IMMP2L: variants seen among roughly 807,000 people sequenced by gnomAD.
IMMP2L encodes the protein mitochondrial inner membrane protease subunit 2.
IMMP2L carries 18 observed loss-of-function variants against 19.3 expected under a neutral mutation model. The observed-to-expected ratio is 0.93, with a 90% CI of 0.64 to 1.38. The LOEUF (loss-of-function observed/expected upper bound fraction) is 1.38, where lower values mean the gene tolerates loss of function less well. IMMP2L is among the 40% of genes most tolerant of loss of function. IMMP2L has a pLI of 0.00. For missense variants in IMMP2L, 233 were observed against 218.2 expected (o/e 1.07, Z -0.43); for synonymous variants, 76 against 73.0 (o/e 1.04, Z -0.21).
At chr7:110,793,835 T>C (rs1368484229) in intron 5 of IMMP2L, among the ~76,000 whole-genome samples, 1 of 152,106 alleles carries the variant, frequency 6.6e-6, no homozygotes, top group Non-Finnish European at 1.5e-5. Context: ...CATCACGTTT[T>C]ATACCTTAAT....
At chr7:111,198,895 AT>A (rs1228502342) in intron 3 of IMMP2L, among the ~76,000 whole-genome samples, 2 of 152,120 alleles carry the variant, frequency 1.3e-5, no homozygotes, top group East Asian at 3.8e-4. Flanking sequence ...AAAACTACCA[AT>A]TGAATTGAAT....
intron 3 of IMMP2L, among the ~76,000 whole-genome samples, chr7:111,285,989 T>A (rs1248064314): frequency 1.3e-5 from 2 of 152,032 alleles, no homozygotes; most frequent in African/African-American, 4.8e-5. Context: ...AGGAAGAAGG[T>A]TCAATCAAAG....
chr7:111,384,830 A>C, intron 3 of IMMP2L, among the ~76,000 whole-genome samples: 1 of 152,154 alleles, frequency 6.6e-6, no homozygotes, highest in Non-Finnish European at 1.5e-5. Flanking sequence ...GTATTTTTTT[A>C]ACTGGATAAA....
chr7:110,830,565 T>G (rs1803881440), intron 5 of IMMP2L, among the ~76,000 whole-genome samples: 1 of 152,104 alleles, frequency 6.6e-6, no homozygotes, highest in African/African-American at 2.4e-5. Flanking sequence ...AAGAAGGCCA[T>G]CTTGTACTGC....
At chr7:111,057,417 C>A (rs1336242808) in intron 3 of IMMP2L, among the ~76,000 whole-genome samples, 3 of 149,128 alleles carry the variant, frequency 2.0e-5, no homozygotes. Flanking sequence ...AGTCTAACAC[C>A]AAAAAAAAAA....
At chr7:110,815,558 T>G (rs1404408293) in intron 5 of IMMP2L, among the ~76,000 whole-genome samples, 2 of 152,160 alleles carry the variant, frequency 1.3e-5, no homozygotes, top group Non-Finnish European at 2.9e-5. Context: ...CTCCTCCTTG[T>G]ACCTCTGGTA....
rs183707177 is a variant in IMMP2L at position 111,086,339 on chromosome 7, C to T, written c.240-122774G>A. On this transcript the variant is annotated intron_variant, in intron 3 of 5. Coordinates refer to ENST00000405709, the MANE Select transcript of IMMP2L (RefSeq NM_032549.4). ...CCTGTGGTCCTAGCTACTCTGGAAG[C>T]TGAGGTAGGAGGAACATTTGAGCCC... is the stretch of plus-strand genomic sequence containing the variant. 5.9e-3 allele frequency among the ~76,000 whole-genome samples: 895 copies of T among 151,772 alleles called. 6 individuals are homozygous for T. Among genetic ancestry groups the T allele is most frequent in the South Asian group, 0.021 (101 of 4,802 alleles).
intron 3 of IMMP2L, among the ~76,000 whole-genome samples, chr7:111,241,607 C>A (rs1400694244): frequency 6.6e-6 from 1 of 151,770 alleles, no homozygotes; most frequent in Non-Finnish European, 1.5e-5. Flanking sequence ...CTCAAGAAAA[C>A]AAAATGCAAC....
chr7:111,206,980 C>A (rs1009282547), intron 3 of IMMP2L, among the ~76,000 whole-genome samples: 1 of 152,126 alleles, frequency 6.6e-6, no homozygotes, highest in Non-Finnish European at 1.5e-5. Flanking sequence ...CGCTTCAACT[C>A]TTTCTGAATA....
intron 5 of IMMP2L, among the ~76,000 whole-genome samples, chr7:110,800,198 A>T (rs1029484420): frequency 1.2e-4 from 18 of 152,006 alleles, no homozygotes; most frequent in African/African-American, 3.9e-4. Context: ...TAACTAATAG[A>T]GAAGATCATT....
chr7:111,295,706 C>A (rs529164409), intron 3 of IMMP2L, among the ~76,000 whole-genome samples: 4 of 151,794 alleles, frequency 2.6e-5, no homozygotes, highest in African/African-American at 9.7e-5. Flanking sequence ...ATTTTACATA[C>A]ACAAGTAAAA....
intron 3 of IMMP2L, among the ~76,000 whole-genome samples, chr7:111,363,023 G>A (rs765233677): frequency 2.0e-5 from 3 of 152,022 alleles, no homozygotes; most frequent in Non-Finnish European, 4.4e-5. Flanking sequence ...CAAATTTGAA[G>A]ACCTCAAATC....
At chr7:111,438,372 T>C (rs1489871870) in intron 3 of IMMP2L, among the ~76,000 whole-genome samples, 1 of 151,748 alleles carries the variant, frequency 6.6e-6, no homozygotes, top group East Asian at 1.9e-4. Flanking sequence ...CTCTTTTTTA[T>C]TAAAAAAAGA....
At chr7:111,399,898 T>C (rs936481204) in intron 3 of IMMP2L, among the ~76,000 whole-genome samples, 9 of 152,144 alleles carry the variant, frequency 5.9e-5, no homozygotes, top group African/African-American at 2.2e-4. Context: ...TCCTATATTA[T>C]AAAGAGTAGT....
rs1465206495 is a variant in IMMP2L, at chr7:110,833,396, G to A, written c.408+53197C>T. Among the ~76,000 whole-genome samples the A allele has an allele frequency of 5.6e-5, 8 of 143,882 alleles. No homozygotes were observed. In the South Asian group the frequency reaches 1.7e-3, roughly 31 times the overall value. The allele number at this position is 143,882 out of a possible 152,430, so 94.4% of individuals were successfully genotyped here. A position where few individuals can be genotyped will look rare whatever the true frequency, so the allele number is the denominator to read the frequency against. ...AGAGGTCGCAGTGAGCCAAGATTGT[G>A]CCATTTCACTCCAGCCTGGGTGACA... On this transcript the variant is annotated intron_variant, in intron 5 of 5. Coordinates refer to ENST00000405709, the MANE Select transcript of IMMP2L (RefSeq NM_032549.4).
chr7:111,447,964 C>T (rs1838688255), intron 3 of IMMP2L, among the ~76,000 whole-genome samples: 2 of 141,510 alleles, frequency 1.4e-5, no homozygotes, highest in East Asian at 2.1e-4. Context: ...ACAAAGAAGG[C>T]CATTACATAA....
intron 3 of IMMP2L, among the ~76,000 whole-genome samples, chr7:111,285,391 TA>T (rs1273032633): frequency 1.3e-5 from 2 of 152,246 alleles, no homozygotes; most frequent in African/African-American, 4.8e-5. Flanking sequence ...GAAAAGCCTT[TA>T]AAATGATCAG....
chr7:110,764,878 C>T (rs1014952056), intron 5 of IMMP2L, among the ~76,000 whole-genome samples: 2 of 151,990 alleles, frequency 1.3e-5, no homozygotes, highest in African/African-American at 4.8e-5. Context: ...TTCTAGCCAA[C>T]CAAGATGTTA....
At chr7:111,149,654 C>A (rs1438399430) in intron 3 of IMMP2L, among the ~76,000 whole-genome samples, 2 of 151,966 alleles carry the variant, frequency 1.3e-5, no homozygotes, top group Non-Finnish European at 2.9e-5. Context: ...AAAAATTTTC[C>A]AACATATATA....
Sources: gnomAD v4.1 joint callset for allele counts (sites outside exome capture counted in the v4.1 genomes callset) on GRCh38, gnomAD v4.1.1 for gene constraint, MANE v1.5 for transcripts, NCBI Gene and HGNC (gene_info 2026-07-23, HGNC 2026-07-21) for gene names.